GRM5: variants seen among roughly 807,000 people sequenced by gnomAD.
The protein encoded by GRM5 is metabotropic glutamate receptor 5.
GRM5 carries 19 observed loss-of-function variants against 83.1 expected under a neutral mutation model. The observed-to-expected ratio is 0.23, with a 90% CI of 0.16 to 0.34. The LOEUF is 0.34. Ranked by LOEUF, GRM5 falls within the 10% of genes least tolerant of loss-of-function variation. The pLI, the probability that GRM5 is intolerant of heterozygous loss-of-function variation, is 1.00. For missense variants in GRM5, 1,160 were observed against 1,588.3 expected (o/e 0.73, Z 4.58); for synonymous variants, 675 against 633.6 (o/e 1.07, Z -0.98).
chr11:88,945,859 T>C (rs752236224), intron 2 of GRM5, among the ~76,000 whole-genome samples: 4 of 151,942 alleles, frequency 2.6e-5, no homozygotes, highest in African/African-American at 2.4e-5. Context: ...TTAAAAACAA[T>C]TGCAACAAAA....
chr11:88,876,452 T>C (rs1329242056), intron 2 of GRM5, among the ~76,000 whole-genome samples: 3 of 152,148 alleles, frequency 2.0e-5, no homozygotes, highest in Non-Finnish European at 4.4e-5. Context: ...CAGATTCTTA[T>C]AATTTGTGTG....
At chr11:88,997,561 C>G (rs1940228635) in intron 2 of GRM5, among the ~76,000 whole-genome samples, 1 of 150,850 alleles carries the variant, frequency 6.6e-6, no homozygotes, top group Non-Finnish European at 1.5e-5. Context: ...AAAAATGAGA[C>G]AGAGAGAGAG....
intron 3 of GRM5, among the ~76,000 whole-genome samples, chr11:88,697,270 G>A (rs970484554): frequency 5.3e-5 from 8 of 152,148 alleles, no homozygotes; most frequent in African/African-American, 1.9e-4. Context: ...CTGACAGAAG[G>A]CAGTTTTTCT....
chr11:88,573,878 A>G (rs999329999), intron 7 of GRM5, among the ~76,000 whole-genome samples: 2 of 152,192 alleles, frequency 1.3e-5, no homozygotes, highest in African/African-American at 4.8e-5. Flanking sequence ...ATACAGAATC[A>G]GAATTCTGTG....
At chr11:88,710,481 T>G (rs1371562115) in intron 3 of GRM5, among the ~76,000 whole-genome samples, 1 of 152,006 alleles carries the variant, frequency 6.6e-6, no homozygotes, top group Non-Finnish European at 1.5e-5. Context: ...ACTAATTAAG[T>G]TTTTCTTTTT....
chr11:88,927,104 A>C (rs1012652621), intron 2 of GRM5, among the ~76,000 whole-genome samples: 3 of 152,196 alleles, frequency 2.0e-5, no homozygotes, highest in Non-Finnish European at 4.4e-5. Flanking sequence ...TCTTAAATAA[A>C]GAAAACCCTC....
At chr11:88,852,085 G>C (rs1259049403) in intron 2 of GRM5, among the ~76,000 whole-genome samples, 3 of 152,204 alleles carry the variant, frequency 2.0e-5, no homozygotes, top group Non-Finnish European at 4.4e-5. Flanking sequence ...AATTAGGTAA[G>C]TGATTGTGAT....
At chr11:88,532,375 A>C (rs984439415) in intron 8 of GRM5, among the ~76,000 whole-genome samples, 1 of 152,190 alleles carries the variant, frequency 6.6e-6, no homozygotes, top group African/African-American at 2.4e-5. Flanking sequence ...AGAAAGTGCC[A>C]AAAATAGTAA....
intron 3 of GRM5, among the ~76,000 whole-genome samples, chr11:88,701,744 G>T (rs1993841): frequency 0.21 from 31,414 of 152,004 alleles, 3,400 homozygotes; most frequent in Middle Eastern, 0.28. Context: ...TCATAAATGC[G>T]TTCTTTAATT....
chr11:88,975,701 A>G (rs1220186061), intron 2 of GRM5, among the ~76,000 whole-genome samples: 1 of 152,224 alleles, frequency 6.6e-6, no homozygotes, highest in Non-Finnish European at 1.5e-5. Context: ...TCATATGGGC[A>G]TGAATGTTTG....
chr11:88,794,542 C>G (rs963443374), intron 3 of GRM5, among the ~76,000 whole-genome samples: 2 of 152,014 alleles, frequency 1.3e-5, no homozygotes, highest in Admixed American at 6.6e-5. Context: ...GGTGGAAATA[C>G]TAGAGGCAAA....
chr11:88,762,488 C>G (rs1368217614), intron 3 of GRM5, among the ~76,000 whole-genome samples: 4 of 99,820 alleles, frequency 4.0e-5, no homozygotes. Context: ...GAGATACCAT[C>G]TCACACCACT....
intron 1 of GRM5, among the ~76,000 whole-genome samples, chr11:89,052,190 A>G (rs1474910101): frequency 2.0e-5 from 3 of 152,200 alleles, no homozygotes; most frequent in East Asian, 1.9e-4. Flanking sequence ...AGGAAAGTGA[A>G]TATGTAAGGT....
At chr11:89,045,274 T>C (rs1298277052) in intron 2 of GRM5, among the ~76,000 whole-genome samples, 8 of 152,156 alleles carry the variant, frequency 5.3e-5, no homozygotes, top group African/African-American at 1.4e-4. Context: ...GTATTTAATA[T>C]AGAGCTTAAA....
At chr11:88,880,468 A>G (rs1332211282) in intron 2 of GRM5, among the ~76,000 whole-genome samples, 1 of 152,178 alleles carries the variant, frequency 6.6e-6, no homozygotes, top group Non-Finnish European at 1.5e-5. Context: ...ATAGTTCTAT[A>G]TAAGAATAAC....
Position 88,734,261 on chromosome 11 carries a change from G to A in GRM5, c.912-80858C>T, listed in dbSNP as rs147002044. Among the ~76,000 whole-genome samples the A allele has an allele frequency of 3.6e-3, 542 of 151,888 alleles. 2 individuals are homozygous for A. Among genetic ancestry groups the A allele is most frequent in the African/African-American group, 0.012 (515 of 41,468 alleles). On this transcript the variant is annotated intron_variant, in intron 3 of 9. Coordinates refer to ENST00000305447, the MANE Select transcript of GRM5 (RefSeq NM_001143831.3). ...AAGGACCCTCCATATCACAAATTACGGAGTGATGCAAATCAAAACTACAAT... is the reference window on the plus strand; with the variant it reads ...AAGGACCCTCCATATCACAAATTACAGAGTGATGCAAATCAAAACTACAAT...
intron 2 of GRM5, among the ~76,000 whole-genome samples, chr11:88,939,946 T>A (rs542984738): frequency 8.6e-5 from 13 of 151,788 alleles, no homozygotes; most frequent in Non-Finnish European, 1.8e-4. Flanking sequence ...AGTTGAAAGA[T>A]CAAAGTATAT....
intron 3 of GRM5, among the ~76,000 whole-genome samples, chr11:88,727,111 C>G (rs763325650): frequency 7.2e-5 from 11 of 152,158 alleles, no homozygotes; most frequent in Non-Finnish European, 1.0e-4. Flanking sequence ...GATAAAGAGT[C>G]AAGACCCATC....
chr11:88,641,128 G>A (rs1306665080), intron 4 of GRM5, among the ~76,000 whole-genome samples: 4 of 152,030 alleles, frequency 2.6e-5, no homozygotes, highest in African/African-American at 9.7e-5. Context: ...ACTCATGGTG[G>A]AAGGTGAAGC....
Sources: allele counts gnomAD v4.1 joint callset (sites outside exome capture counted in the v4.1 genomes callset), GRCh38; gene constraint gnomAD v4.1.1; transcripts MANE v1.5; gene names NCBI Gene and HGNC (gene_info 2026-07-23, HGNC 2026-07-21).